AKNA: variants seen among roughly 807,000 people sequenced by gnomAD.
The protein encoded by AKNA is AT-hook transcription factor, also known as microtubule organization protein AKNA.
A neutral mutation model predicts 138.8 loss-of-function variants in AKNA; 67 were observed. The observed-to-expected ratio is 0.48, with a 90% CI of 0.40 to 0.59. The LOEUF (loss-of-function observed/expected upper bound fraction) is 0.59, where lower values mean the gene tolerates loss of function less well. Among genes scored for constraint, AKNA ranks in the 20% least tolerant of loss-of-function variants. The pLI is 0.00. For synonymous variants in AKNA, 737 were observed against 754.4 expected (o/e 0.98, Z 0.38); for missense variants, 1,813 against 1,880.4 (o/e 0.96, Z 0.66).
At chr9:114,341,491 T>C (rs374817795) in intron 21 of AKNA, 42 bp downstream of exon 21, 2 of 1,611,764 alleles carry the variant, frequency 1.2e-6, no homozygotes, top group African/African-American at 2.7e-5. Flanking sequence ...TATTCAGTGA[T>C]CTATAGAAAG....
intron 2 of AKNA, 54 bp from the exon 3 acceptor site, chr9:114,377,586 G>A (rs1305834577): frequency 1.3e-6 from 2 of 1,494,532 alleles, no homozygotes; most frequent in South Asian, 2.7e-5. Flanking sequence ...CACCCACCTT[G>A]TAACTTACCC....
rs1440684297 is a variant in AKNA, at chr9:114,367,617, C to A, written c.1654G>T (p.Asp552Tyr). Residue 552 changes from aspartate (D) to tyrosine (Y), a missense_variant, in exon 6 of 22, where the codon GAC becomes TAC. Coordinates refer to ENST00000374088, the MANE Select transcript of AKNA (RefSeq NM_001317950.2). ...PTLGWLPENR[D>Y]ISEDQSSAEQ... is the part of the protein sequence containing the mutation. ...GCTGAGGACTGGTCCTCAGAGATGTCCCGGTTCTCCGGAAGCCACCCCAGG... is the reference window on the plus strand; with the variant it reads ...GCTGAGGACTGGTCCTCAGAGATGTACCGGTTCTCCGGAAGCCACCCCAGG... 1 of 1,607,620 alleles carries A rather than the reference C, an allele frequency of 6.2e-7. No individual in the cohort carries two copies. The highest frequency in any genetic ancestry group is 8.5e-7 in the Non-Finnish European group (1 of 1,174,986).
At chr9:114,364,720 C>T in intron 6 of AKNA, 101 bp from the exon 7 acceptor site, 4 of 1,248,986 alleles carry the variant, frequency 3.2e-6, no homozygotes, top group Non-Finnish European at 4.7e-6. Context: ...CTGGGTCCGT[C>T]CTCAGGATGT....
In AKNA at chr9:114,343,818, CAG is replaced by C. The variant is rs763084560; in HGVS notation, c.3662-17_3662-16del. ...GTATTCGTGGCCTGGGGAAAGAAAC[CAG>C]AACTGTCAGTATCAGCCCTGTGGAT... On this transcript the variant is annotated splice_polypyrimidine_tract_variant and intron_variant, in intron 18 of 21. Coordinates refer to ENST00000374088, the MANE Select transcript of AKNA (RefSeq NM_001317950.2). 1.6e-5 allele frequency: 25 copies of C among 1,598,804 alleles called. No homozygotes were observed. In the South Asian group the frequency reaches 2.7e-4, roughly 17 times the overall value.
rs1228440009 is a variant in AKNA, at chr9:114,342,138, G to A, written c.3758-13C>T. ...GTGACAGCACCACCTAGAAGAGGAG[G>A]AAGAGATGTCAGGGGAGGATTACAT... On this transcript the variant is annotated splice_polypyrimidine_tract_variant and intron_variant, in intron 19 of 21. Coordinates refer to ENST00000374088, the MANE Select transcript of AKNA (RefSeq NM_001317950.2). 1.3e-6 allele frequency: 2 copies of A among 1,555,348 alleles called. No individual in the cohort carries two copies. The highest frequency in any genetic ancestry group is 4.0e-5 in the Admixed American group (2 of 49,794).
chr9:114,342,065 A>AG lies in AKNA; in HGVS notation c.3817dup (p.Leu1273ProfsTer195). 1 of 1,613,740 alleles carries AG rather than the reference A, an allele frequency of 6.2e-7. No homozygotes were observed. Among genetic ancestry groups the AG allele is most frequent in the African/African-American group, 1.3e-5 (1 of 75,012 alleles). ...TGGGGGAGACCCAACTTGACCACACAGGGGACACTGAAGGGTATCAGCGGG... is the reference window on the plus strand; with the variant it reads ...TGGGGGAGACCCAACTTGACCACACAGGGGGACACTGAAGGGTATCAGCGGG... On this transcript the variant is annotated frameshift_variant, in exon 20 of 22. Coordinates refer to ENST00000374088, the MANE Select transcript of AKNA (RefSeq NM_001317950.2). LOFTEE classifies it high-confidence loss of function.
rs189889662 is a variant in AKNA, at chr9:114,357,081, G to T, written c.2740-112C>A. The T allele has an allele frequency of 1.5e-4, 129 of 872,350 alleles. No homozygotes were observed. The East Asian group carries it at 3.9e-3, about 27-fold the overall frequency. The allele number at this position is 872,350 out of a possible 1,614,324, so 54.0% of individuals were successfully genotyped here. On this transcript the variant is annotated intron_variant, in intron 12 of 21. Coordinates refer to ENST00000374088, the MANE Select transcript of AKNA (RefSeq NM_001317950.2). ...TCCCAGAGGCTCACACCCCAGGGTT[G>T]CTGGCCCAGCTCCCAACAGCCAGGC...
downstream of AKNA, chr9:114,331,010 A>G: frequency 1.6e-6 from 1 of 644,168 alleles, no homozygotes; most frequent in Non-Finnish European, 2.7e-6. Flanking sequence ...CTCAGAAAAA[A>G]TCCCTAAGAA....
upstream of AKNA, chr9:114,396,781 T>G (rs1162081204): frequency 1.3e-5 from 2 of 152,204 alleles, no homozygotes; most frequent in African/African-American, 4.8e-5. Context: ...GCTGGGGATC[T>G]AAACTCAGGT....
upstream of AKNA, among the ~76,000 whole-genome samples, chr9:114,394,877 C>A (rs536040539): frequency 2.9e-4 from 44 of 152,300 alleles, no homozygotes; most frequent in African/African-American, 1.1e-3. Context: ...CCCAAGACCC[C>A]GAGGAGACTG....
At position 114,342,047 on chromosome 9, in the gene AKNA, G is replaced by A. The variant is rs1328752682; in HGVS notation, c.3836C>T (p.Ser1279Phe). The A allele has an allele frequency of 1.9e-6, 3 of 1,613,914 alleles. No individual in the cohort carries two copies. The Admixed American group carries it at 5.0e-5, about 27-fold the overall frequency. Residue 1279 changes from serine (S) to phenylalanine (F), a missense_variant, in exon 20 of 22, where the codon TCT becomes TTT. Coordinates refer to ENST00000374088, the MANE Select transcript of AKNA (RefSeq NM_001317950.2). The part of the protein sequence containing the change: ...LQCPLCGQVG[S>F]PPEADGPGSA... The stretch of plus-strand genomic sequence containing the variant: ...GCCTGGACCATCTGCCTCTGGGGGA[G>A]ACCCAACTTGACCACACAGGGGACA...
chr9:114,341,603 G>A lies in AKNA; in HGVS notation c.3997C>T (p.Pro1333Ser). The A allele has an allele frequency of 6.2e-7, 1 of 1,614,004 alleles. No individual in the cohort carries two copies. Among genetic ancestry groups the A allele is most frequent in the South Asian group, 1.1e-5 (1 of 91,082 alleles). Residue 1333 changes from proline to serine, a missense_variant, in exon 21 of 22, where the codon CCA becomes TCA. By Grantham distance (74) the Pro-to-Ser change is moderately conservative. Transcript: ENST00000374088. ...GCAAAGGCTGGAGGGGCTGGTGCTG[G>A]GGGCGCTGTTGCCAGATACCACAGT... Reference protein sequence around the residue: ...PGLWYLATAPPAPAPPAFAYI... With the variant: ...PGLWYLATAPSAPAPPAFAYI...
At chr9:114,365,461 T>G (rs1360735679) in intron 6 of AKNA, among the ~76,000 whole-genome samples, 2 of 152,164 alleles carry the variant, frequency 1.3e-5, no homozygotes, top group Non-Finnish European at 2.9e-5. Context: ...ATCTATTACC[T>G]GCTCAAAAAA....
upstream of AKNA, among the ~76,000 whole-genome samples, chr9:114,390,600 T>A (rs1163208408): frequency 2.0e-5 from 3 of 152,164 alleles, no homozygotes; most frequent in Non-Finnish European, 4.4e-5. Context: ...ACCGATGTGG[T>A]CTTCCAAGAT....
downstream of AKNA, chr9:114,331,611 A>G: frequency 1.2e-6 from 2 of 1,614,036 alleles, no homozygotes; most frequent in Non-Finnish European, 1.7e-6. Flanking sequence ...CCTTAGGGAC[A>G]CCAAGACCTT....
At chr9:114,362,006 G>T (rs1370984502) in intron 8 of AKNA, 95 bp from the exon 9 acceptor site, 5 of 1,285,076 alleles carry the variant, frequency 3.9e-6, no homozygotes, top group Non-Finnish European at 5.4e-6. Flanking sequence ...TCCAGGGGAT[G>T]CCCCCTTAGG....
rs1012896189 is a variant in AKNA at position 114,374,586 on chromosome 9, C to T, written c.1342-419G>A. ...TAAGAAGCATGTGCTTAAGAAGTAC[C>T]TGATTTTCAATGGCTAATTGAATGA... On this transcript the variant is annotated intron_variant, in intron 3 of 21. Coordinates refer to ENST00000374088, the MANE Select transcript of AKNA (RefSeq NM_001317950.2). Among the ~76,000 whole-genome samples, 6 of 152,300 alleles carry T rather than the reference C, an allele frequency of 3.9e-5. No individual in the cohort carries two copies. In the East Asian group the frequency reaches 5.8e-4, roughly 15 times the overall value.
intron 12 of AKNA, 76 bp downstream of exon 12, chr9:114,357,845 A>C: frequency 6.4e-7 from 1 of 1,567,546 alleles, no homozygotes; most frequent in Non-Finnish European, 8.6e-7. Flanking sequence ...ACAAGGAAAG[A>C]CCCAGAAGCA....
chr9:114,364,941 C>T (rs187993508), intron 6 of AKNA, among the ~76,000 whole-genome samples: 88 of 152,202 alleles, frequency 5.8e-4, no homozygotes, highest in African/African-American at 1.9e-3. Context: ...AAATGCCTGT[C>T]GGTGGAATAG....
Sources: allele counts gnomAD v4.1 joint callset (sites outside exome capture counted in the v4.1 genomes callset), GRCh38; gene constraint gnomAD v4.1.1; transcripts MANE v1.5; gene names NCBI Gene and HGNC (gene_info 2026-07-23, HGNC 2026-07-21).